The following SLIT3 variants were observed in gnomAD, a reference collection of about 807,000 sequenced individuals.
SLIT3 encodes the protein slit homolog 3 protein.
SLIT3 carries 68 observed loss-of-function variants against 184.0 expected under a neutral mutation model. The observed-to-expected ratio is 0.37, with a 90% confidence interval of 0.30 to 0.45. The LOEUF is 0.45. Among genes scored for constraint, SLIT3 ranks in the 20% least tolerant of loss-of-function variants. The pLI is 1.00. For synonymous variants in SLIT3, 831 were observed against 828.6 expected (o/e 1.00, Z -0.05); for missense variants, 1,707 against 2,026.0 (o/e 0.84, Z 3.02).
At chr5:169,058,071 TAC>T (rs1758064153) in intron 4 of SLIT3, among the ~76,000 whole-genome samples, 1 of 152,234 alleles carries the variant, frequency 6.6e-6, no homozygotes, top group Non-Finnish European at 1.5e-5. Context: ...TGGAATTTCC[TAC>T]AGTGTCAAAT....
At chr5:168,724,040 G>A (rs1039221984) in intron 21 of SLIT3, among the ~76,000 whole-genome samples, 5 of 152,176 alleles carry the variant, frequency 3.3e-5, no homozygotes, top group African/African-American at 1.2e-4. Flanking sequence ...GGCCACAGAT[G>A]TTGTTAAACA....
At chr5:168,916,492 T>C (rs1184539738) in intron 4 of SLIT3, among the ~76,000 whole-genome samples, 1 of 152,258 alleles carries the variant, frequency 6.6e-6, no homozygotes, top group African/African-American at 2.4e-5. Context: ...GCACGTCACT[T>C]ACTGGACTCA....
At chr5:169,036,523 T>A (rs1311739377) in intron 4 of SLIT3, 1 of 152,096 alleles carries the variant, frequency 6.6e-6, no homozygotes, top group African/African-American at 2.4e-5. Context: ...CCCCTCTCCC[T>A]CCATAAAGAA....
intron 4 of SLIT3, among the ~76,000 whole-genome samples, chr5:169,034,362 C>A (rs1757152512): frequency 6.6e-6 from 1 of 152,158 alleles, no homozygotes. Flanking sequence ...GTGTTCTCTT[C>A]TAGGAGTTTT....
intron 28 of SLIT3, 84 bp downstream of exon 28, chr5:168,696,208 A>G (rs1762059377): frequency 6.7e-7 from 1 of 1,501,366 alleles, no homozygotes; most frequent in African/African-American, 1.4e-5. Flanking sequence ...GGAGAGAGGA[A>G]GAGAGTCCCT....
intron 4 of SLIT3, among the ~76,000 whole-genome samples, chr5:168,975,078 C>A (rs186795489): frequency 2.6e-5 from 4 of 152,158 alleles, no homozygotes; most frequent in Admixed American, 1.3e-4. Flanking sequence ...GGCACACAGA[C>A]CCCCCTACTG....
chr5:169,296,455 C>G (rs1234183110), intron 1 of SLIT3, among the ~76,000 whole-genome samples: 1 of 152,228 alleles, frequency 6.6e-6, no homozygotes, highest in Non-Finnish European at 1.5e-5. Context: ...GGCGGGTCCA[C>G]TCAGCTGCTC....
intron 1 of SLIT3, among the ~76,000 whole-genome samples, chr5:169,266,438 C>T (rs1369295721): frequency 1.3e-5 from 2 of 152,188 alleles, no homozygotes; most frequent in South Asian, 2.1e-4. Flanking sequence ...GGAAATAATA[C>T]GTGCCATTTC....
At chr5:168,982,650 T>C (rs998671061) in intron 4 of SLIT3, among the ~76,000 whole-genome samples, 3 of 152,190 alleles carry the variant, frequency 2.0e-5, no homozygotes, top group Admixed American at 1.3e-4. Flanking sequence ...CCACACATAA[T>C]TGGAGAAGCA....
intron 14 of SLIT3, 198 bp downstream of exon 14, chr5:168,772,583 T>A: frequency 5.0e-6 from 3 of 595,724 alleles, no homozygotes; most frequent in Non-Finnish European, 6.0e-6. Context: ...TGTGTGTGTG[T>A]GTGTGTGTGT....
intron 3 of SLIT3, among the ~76,000 whole-genome samples, chr5:169,229,730 T>C (rs2113549333): frequency 6.6e-6 from 1 of 151,982 alleles, no homozygotes; most frequent in East Asian, 1.9e-4. Context: ...CTGAAATCAC[T>C]GAGTGATGGC....
chr5:169,233,624 C>T (rs997547326), intron 3 of SLIT3, among the ~76,000 whole-genome samples: 6 of 152,130 alleles, frequency 3.9e-5, no homozygotes, highest in East Asian at 3.9e-4. Flanking sequence ...ATACCGCACA[C>T]GTACCCCGGA....
rs114371273 is a variant in SLIT3 at position 169,118,594 on chromosome 5, T to C, written c.413+74885A>G. On this transcript the variant is annotated intron_variant, in intron 4 of 35. Transcript: ENST00000519560. ...AGAAAGCGGGCAAGGCAGTCTGTTCTGGTTCTGTAAAGAAGAAATGACCCA... is the reference window on the plus strand; with the variant it reads ...AGAAAGCGGGCAAGGCAGTCTGTTCCGGTTCTGTAAAGAAGAAATGACCCA... 9.5e-3 allele frequency among the ~76,000 whole-genome samples: 1,452 copies of C among 152,346 alleles called. 23 individuals carry two copies. Among genetic ancestry groups the C allele is most frequent in the African/African-American group, 0.033 (1,392 of 41,572 alleles).
intron 4 of SLIT3, among the ~76,000 whole-genome samples, chr5:169,113,270 C>G (rs1760478635): frequency 6.6e-6 from 1 of 152,166 alleles, no homozygotes; most frequent in East Asian, 1.9e-4. Flanking sequence ...CCACTTTCTG[C>G]TCCTATGAAT....
intron 5 of SLIT3, among the ~76,000 whole-genome samples, chr5:168,856,037 A>C (rs1419543315): frequency 6.6e-6 from 1 of 152,176 alleles, no homozygotes; most frequent in Non-Finnish European, 1.5e-5. Context: ...TGAACCTCGG[A>C]GGCAGAGGTT....
Position 169,180,873 on chromosome 5 carries a change from A to C in SLIT3, c.413+12606T>G, listed in dbSNP as rs117835824. Among the ~76,000 whole-genome samples, 487 of 152,342 alleles carry C rather than the reference A, an allele frequency of 3.2e-3. 10 individuals carry two copies. In the East Asian group the frequency reaches 0.075, roughly 23 times the overall value. ...ATGTTGTTTGATGGCTACGCCCTTGAGAACTGGTGGTTGGCAATGGTCTGT... is the reference window on the plus strand; with the variant it reads ...ATGTTGTTTGATGGCTACGCCCTTGCGAACTGGTGGTTGGCAATGGTCTGT... On this transcript the variant is annotated intron_variant, in intron 4 of 35. Coordinates refer to ENST00000519560, the MANE Select transcript of SLIT3 (RefSeq NM_003062.4).
intron 1 of SLIT3, among the ~76,000 whole-genome samples, chr5:169,270,312 G>A (rs768423706): frequency 1.1e-4 from 17 of 152,098 alleles, no homozygotes; most frequent in Non-Finnish European, 1.9e-4. Flanking sequence ...CCATATCCCC[G>A]CACACCAAGA....
intron 5 of SLIT3, among the ~76,000 whole-genome samples, chr5:168,852,012 C>T (rs1471712812): frequency 6.6e-6 from 1 of 152,172 alleles, no homozygotes; most frequent in Non-Finnish European, 1.5e-5. Context: ...CTGCCTTCCT[C>T]GTTGGGAATT....
intron 4 of SLIT3, among the ~76,000 whole-genome samples, chr5:168,946,452 C>T (rs1762485980): frequency 6.6e-6 from 1 of 152,240 alleles, no homozygotes; most frequent in Non-Finnish European, 1.5e-5. Context: ...CCTGCCTTTT[C>T]CTACTGTGCC....
Sources: allele counts gnomAD v4.1 joint callset (sites outside exome capture counted in the v4.1 genomes callset), GRCh38; gene constraint gnomAD v4.1.1; transcripts MANE v1.5; gene names NCBI Gene and HGNC (gene_info 2026-07-23, HGNC 2026-07-21).